The following UGT1A8 variants were observed in gnomAD, a reference collection of about 807,000 sequenced individuals.
UGT1A8 encodes UDP-glucuronosyltransferase 1A8.
UGT1A8 carries 39 observed loss-of-function variants against 45.3 expected under a neutral mutation model. That is an observed-to-expected ratio of 0.86 (90% CI 0.67 to 1.12). The LOEUF (loss-of-function observed/expected upper bound fraction) is 1.12, where lower values mean the gene tolerates loss of function less well. UGT1A8 is among the 50% of genes most tolerant of loss of function. The pLI is 0.00. For synonymous variants in UGT1A8, 275 were observed against 249.2 expected, an observed-to-expected ratio of 1.10 and a Z score of -0.97; for missense variants, 719 against 664.9, an observed-to-expected ratio of 1.08 and a Z score of -0.90.
At chr2:233,660,967 G>C (rs1236054134) in intron 1 of UGT1A8, among the ~76,000 whole-genome samples, 1 of 151,896 alleles carries the variant, frequency 6.6e-6, no homozygotes, top group Non-Finnish European at 1.5e-5. Flanking sequence ...ATATCCTTCA[G>C]TTTTATTTAG....
chr2:233,690,687 A>G, intron 1 of UGT1A8: 1 of 1,254,678 alleles, frequency 8.0e-7, no homozygotes, highest in African/African-American at 1.6e-5. Context: ...TCTCCAGCGG[A>G]GCTACTCTTT....
In UGT1A8 at chr2:233,769,857, C is replaced by CAAA. The variant is rs879204025; in HGVS notation, c.1295+1433_1295+1435dup. 4.7e-4 allele frequency: 105 copies of CAAA among 224,472 alleles called. No individual in the cohort carries two copies. Among genetic ancestry groups the CAAA allele is most frequent in the South Asian group, 1.3e-3 (12 of 9,146 alleles). The allele number at this position is 224,472 out of a possible 1,614,324, so 13.9% of individuals were successfully genotyped here. ...TGGGCAACAGAGTGAGACCCTGTCT[C>CAAA]AAAAAAAAAAAAAAAAATGAAAAGT... On this transcript the variant is annotated intron_variant, in intron 4 of 4. Coordinates refer to ENST00000373450, the MANE Select transcript of UGT1A8 (RefSeq NM_019076.5). This position sits in a 1 kb window ranked among gnomAD's most constrained non-coding sequence, Gnocchi z 4.4.
intron 1 of UGT1A8, among the ~76,000 whole-genome samples, chr2:233,674,259 AG>A (rs1479149189): frequency 6.6e-6 from 1 of 152,220 alleles, no homozygotes; most frequent in Non-Finnish European, 1.5e-5. Context: ...AAAAAGCAGG[AG>A]GACTACAGTT....
chr2:233,677,332 G>T (rs2074387764), intron 1 of UGT1A8, among the ~76,000 whole-genome samples: 1 of 152,002 alleles, frequency 6.6e-6, no homozygotes. Context: ...TGCTAGTATA[G>T]TTGACCCCTG....
intron 1 of UGT1A8, among the ~76,000 whole-genome samples, chr2:233,683,700 T>G (rs531254121): frequency 6.6e-6 from 1 of 152,320 alleles, no homozygotes; most frequent in East Asian, 1.9e-4. Context: ...ATTTCATTAT[T>G]TTTGAAACCA....
At chr2:233,619,602 T>A (rs942924583) in intron 1 of UGT1A8, among the ~76,000 whole-genome samples, 1 of 152,204 alleles carries the variant, frequency 6.6e-6, no homozygotes, top group Non-Finnish European at 1.5e-5. Context: ...ATTTTCACTA[T>A]ATAAGCATTT....
At chr2:233,700,879 C>A (rs1034154232) in intron 1 of UGT1A8, among the ~76,000 whole-genome samples, 1 of 152,082 alleles carries the variant, frequency 6.6e-6, no homozygotes, top group African/African-American at 2.4e-5. Context: ...CTCCTCCCCC[C>A]ACCCCACAAC....
chr2:233,724,246 C>T (rs1219453844), intron 1 of UGT1A8, among the ~76,000 whole-genome samples: 28 of 121,870 alleles, frequency 2.3e-4, no homozygotes, highest in African/African-American at 8.0e-4. Context: ...CGGGCAGAGG[C>T]GCCCCTCACC....
chr2:233,672,520 G>T (rs2074229865), intron 1 of UGT1A8: 2 of 1,613,744 alleles, frequency 1.2e-6, no homozygotes, highest in Non-Finnish European at 1.7e-6. Context: ...AATTCTCTTA[G>T]GGTTCTCAGA....
At chr2:233,677,390 G>T (rs28970015) in intron 1 of UGT1A8, among the ~76,000 whole-genome samples, 3,115 of 152,204 alleles carry the variant, frequency 0.02, 108 homozygotes, top group African/African-American at 0.071. Context: ...TAGAAAATCC[G>T]CATAGAACTT....
At chr2:233,765,122 G>A (rs181302961) in intron 1 of UGT1A8, among the ~76,000 whole-genome samples, 232 of 152,218 alleles carry the variant, frequency 1.5e-3, no homozygotes, top group Admixed American at 3.1e-3. Context: ...GACTGTTCAG[G>A]TTTTAGCACT....
intron 1 of UGT1A8, among the ~76,000 whole-genome samples, chr2:233,620,300 C>T (rs536826445): frequency 2.0e-5 from 3 of 152,156 alleles, no homozygotes; most frequent in Non-Finnish European, 2.9e-5. Flanking sequence ...AGAGGTTGGA[C>T]GTATCAAAGC....
At position 233,760,649 on chromosome 2, in the gene UGT1A8, C is replaced by T; in HGVS notation, c.856-6385C>T. The T allele has an allele frequency of 6.2e-7, 1 of 1,614,206 alleles. No individual in the cohort carries two copies. The highest frequency in any genetic ancestry group is 2.2e-5 in the East Asian group (1 of 44,882). On this transcript the variant is annotated intron_variant, in intron 1 of 4. Coordinates refer to ENST00000373450, the MANE Select transcript of UGT1A8 (RefSeq NM_019076.5). ...TACAAGAAAATAAAAAAGGACTCTG[C>T]TATGCTTTTGTCTGGCTGTTCCCAC...
At chr2:233,748,610 A>G (rs1485251658) in intron 1 of UGT1A8, among the ~76,000 whole-genome samples, 1 of 151,818 alleles carries the variant, frequency 6.6e-6, no homozygotes, top group Non-Finnish European at 1.5e-5. Context: ...TAGAGCAACG[A>G]ACGTGGGATA....
chr2:233,737,141 C>T (rs2078844514), intron 1 of UGT1A8, among the ~76,000 whole-genome samples: 1 of 152,246 alleles, frequency 6.6e-6, no homozygotes, highest in African/African-American at 2.4e-5. Context: ...GCCTTTTGTT[C>T]AGATATGCCC....
At chr2:233,656,998 C>G (rs2073869774) in intron 1 of UGT1A8, among the ~76,000 whole-genome samples, 1 of 151,992 alleles carries the variant, frequency 6.6e-6, no homozygotes, top group African/African-American at 2.4e-5. Context: ...GCGTTAGGAC[C>G]TAACCTTTCT....
chr2:233,676,128 G>C (rs1206697252), intron 1 of UGT1A8, among the ~76,000 whole-genome samples: 3 of 152,068 alleles, frequency 2.0e-5, no homozygotes, highest in Non-Finnish European at 4.4e-5. Context: ...ACCCACCCTG[G>C]GGTCCTTGAG....
intron 1 of UGT1A8, chr2:233,672,290 TA>T (rs770120796): frequency 1.1e-5 from 18 of 1,614,014 alleles, no homozygotes; most frequent in Middle Eastern, 1.6e-4. Flanking sequence ...ATTTTTGACT[TA>T]TTTTTTTCAA....
At chr2:233,711,093 T>G (rs1463898201) in intron 1 of UGT1A8, among the ~76,000 whole-genome samples, 1 of 152,198 alleles carries the variant, frequency 6.6e-6, no homozygotes, top group African/African-American at 2.4e-5. Context: ...AGTCTATCTG[T>G]GCAGCCCAGA....
Sources: allele counts gnomAD v4.1 joint callset (sites outside exome capture counted in the v4.1 genomes callset), GRCh38; gene constraint gnomAD v4.1.1; non-coding constraint Gnocchi (gnomAD v3.1); transcripts MANE v1.5; gene names NCBI Gene and HGNC (gene_info 2026-07-23, HGNC 2026-07-21).